ZNF41: variants seen among roughly 807,000 people sequenced by gnomAD.
ZNF41 encodes the protein zinc finger protein 41.
A neutral mutation model predicts 9.3 loss-of-function variants in ZNF41; 6 were observed. The ratio of observed to expected loss-of-function variants is 0.65; its 90% CI spans 0.35 to 1.28. The LOEUF is 1.28. Ranked by LOEUF, ZNF41 falls within the 50% of genes most tolerant of loss-of-function variation. The pLI, the probability that ZNF41 is intolerant of heterozygous loss-of-function variation, is 0.03. For synonymous variants in ZNF41, 192 were observed against 207.1 expected, an observed-to-expected ratio of 0.93 and a Z score of 0.63; for missense variants, 523 against 585.8, an observed-to-expected ratio of 0.89 and a Z score of 1.11.
intron 2 of ZNF41, among the ~76,000 whole-genome samples, chrX:47,467,124 G>A (rs938614054): frequency 9.0e-6 from 1 of 111,551 alleles, no homozygotes; most frequent in Non-Finnish European, 1.9e-5. Context: ...GCAGGGAGCT[G>A]CCCCCACTCC....
chrX:47,469,174 A>C (rs1022852787), intron 1 of ZNF41, among the ~76,000 whole-genome samples: 2 of 102,745 alleles, frequency 1.9e-5, no homozygotes, highest in Non-Finnish European at 4.0e-5. Context: ...AGCCGGGCGT[A>C]GTGGCGGGCG....
intron 1 of ZNF41, among the ~76,000 whole-genome samples, chrX:47,481,959 G>C (rs2053083274): frequency 9.1e-6 from 1 of 110,175 alleles, no homozygotes; most frequent in Admixed American, 9.7e-5. Context: ...CCAGGAAGCT[G>C]CATATCTGAT....
At chrX:47,468,851 C>A (rs73494342) in intron 1 of ZNF41, among the ~76,000 whole-genome samples, 76 of 111,189 alleles carry the variant, frequency 6.8e-4, no homozygotes, top group African/African-American at 2.5e-3. Flanking sequence ...CCAGGCAGAA[C>A]CAACACGTCA....
At chrX:47,453,729 A>C (rs1366936793) in intron 4 of ZNF41, among the ~76,000 whole-genome samples, 1 of 112,218 alleles carries the variant, frequency 8.9e-6, no homozygotes, top group East Asian at 2.8e-4. Flanking sequence ...AAAACAATGG[A>C]ATCAGCAAAT....
chrX:47,470,241 G>C (rs992177460), intron 1 of ZNF41, among the ~76,000 whole-genome samples: 1 of 106,653 alleles, frequency 9.4e-6, no homozygotes, highest in African/African-American at 3.4e-5. Context: ...GTGAAACCCC[G>C]TCTCTACTAA....
intron 2 of ZNF41, 126 bp downstream of exon 2, chrX:47,467,283 CA>C (rs1419135722): frequency 8.6e-7 from 1 of 1,158,117 alleles, no homozygotes; most frequent in Admixed American, 2.6e-5. Context: ...GATCTGTCTC[CA>C]GGGTGGCAGG....
At chrX:47,459,984 C>T (rs993105667) in intron 2 of ZNF41, among the ~76,000 whole-genome samples, 3 of 110,299 alleles carry the variant, frequency 2.7e-5, no homozygotes, top group African/African-American at 9.9e-5. Context: ...TGCAGTGGCT[C>T]ATGCCTGTAA....
Position 47,448,198 on chromosome X carries a change from C to T in ZNF41, c.1572G>A (p.Met524Ile). ...QKTHTGEKPYMCAECGKAFTD... is the reference protein window; with the variant it reads ...QKTHTGEKPYICAECGKAFTD... ...TAAAAGCCTTTCCACATTCAGCACA[C>T]ATATAGGGTTTTTCCCCAGTATGAG... is the stretch of plus-strand genomic sequence containing the variant. The change falls in exon 5 of 5, where the codon ATG becomes ATA. Residue 524 changes from methionine (M) to isoleucine (I), a missense_variant. Met to Ile is a conservative substitution (Grantham distance 10). Transcript: ENST00000684689. 1.7e-6 allele frequency: 2 copies of T among 1,211,493 alleles called. No individual in the cohort carries two copies. The highest frequency in any genetic ancestry group is 2.2e-6 in the Non-Finnish European group (2 of 895,455).
In ZNF41 at chrX:47,464,875, G is replaced by T. The variant is rs189087422; in HGVS notation, c.72+2535C>A. ...AAAACATAATTTCAATGACTTGACA[G>T]AAAGATTTATTTATTTACTATTTAT... On this transcript the variant is annotated intron_variant, in intron 2 of 4. Coordinates refer to ENST00000684689, the MANE Select transcript of ZNF41 (RefSeq NM_001324144.2). 1.7e-3 allele frequency among the ~76,000 whole-genome samples: 186 copies of T among 112,156 alleles called. 1 individual carries two copies. Among genetic ancestry groups the T allele is most frequent in the African/African-American group, 5.6e-3 (173 of 30,984 alleles).
chrX:47,474,960 C>G (rs1305721778), intron 1 of ZNF41, among the ~76,000 whole-genome samples: 1 of 104,582 alleles, frequency 9.6e-6, no homozygotes, highest in African/African-American at 3.5e-5. Flanking sequence ...GCGGGTGGAT[C>G]ACGAGGTCAG....
At chrX:47,473,976 G>A (rs746041346) in intron 1 of ZNF41, among the ~76,000 whole-genome samples, 13 of 112,102 alleles carry the variant, frequency 1.2e-4, no homozygotes, top group South Asian at 7.3e-4. Context: ...AAGACTGTTC[G>A]TTACAGCTTG....
chrX:47,471,393 G>T (rs2057189011), intron 1 of ZNF41, among the ~76,000 whole-genome samples: 1 of 109,215 alleles, frequency 9.2e-6, no homozygotes, highest in Non-Finnish European at 1.9e-5. Flanking sequence ...GGGTTACAGT[G>T]AGCTGAGATC....
chrX:47,462,910 G>GTATATATATATATA (rs61273021), intron 2 of ZNF41, among the ~76,000 whole-genome samples: 1 of 92,758 alleles, frequency 1.1e-5, no homozygotes, highest in Non-Finnish European at 2.1e-5. Context: ...TTTTTTGTAT[G>GTATATATATATATA]TATATATATA....
rs754081250 is a variant in ZNF41, at chrX:47,447,571, T to C, written c.2199A>G (p.Thr733=). ...TATGAATTATCTGATGCATACTTAGTGTGGCTTTCTGGATGAAAGCTTTCC... is the reference window on the plus strand; with the variant it reads ...TATGAATTATCTGATGCATACTTAGCGTGGCTTTCTGGATGAAAGCTTTCC... ...KCGKAFIQKA[T]LSMHQIIHTG... is the part of the protein sequence containing the mutation. The change falls in exon 5 of 5, where the codon ACA becomes ACG. Residue 733 remains threonine, a synonymous_variant. Transcript: ENST00000684689. 8.3e-7 allele frequency: 1 copy of C among 1,210,528 alleles called. No homozygotes were observed. Among genetic ancestry groups the C allele is most frequent in the African/African-American group, 1.7e-5 (1 of 57,386 alleles).
chrX:47,459,059 T>C (rs763924299), intron 2 of ZNF41, among the ~76,000 whole-genome samples: 1 of 110,453 alleles, frequency 9.1e-6, no homozygotes, highest in Admixed American at 9.7e-5. Context: ...CAACAGAATA[T>C]AGAGTACAGG....
At chrX:47,456,520 C>G (rs981266192) in intron 2 of ZNF41, 122 bp from the exon 3 acceptor site, 1 of 1,013,056 alleles carries the variant, frequency 9.9e-7, no homozygotes, top group Non-Finnish European at 1.3e-6. Context: ...TCACTAAGTA[C>G]TTAGTTTTGT....
At chrX:47,455,210 A>C (rs1425366588) in intron 4 of ZNF41, among the ~76,000 whole-genome samples, 1 of 108,773 alleles carries the variant, frequency 9.2e-6, no homozygotes, top group African/African-American at 3.4e-5. Flanking sequence ...GTGCCATTGC[A>C]CTCCAGCCTG....
intron 1 of ZNF41, among the ~76,000 whole-genome samples, chrX:47,478,720 C>T (rs907219274): frequency 1.8e-5 from 2 of 110,282 alleles, no homozygotes; most frequent in Non-Finnish European, 3.8e-5. Context: ...CTGAGGTGGG[C>T]GGATCACCTG....
At chrX:47,469,505 T>C (rs1408694531) in intron 1 of ZNF41, among the ~76,000 whole-genome samples, 1 of 110,774 alleles carries the variant, frequency 9.0e-6, no homozygotes, top group Non-Finnish European at 1.9e-5. Flanking sequence ...AATTGATATA[T>C]AATTATATCT....
Sources: gnomAD v4.1 joint callset for allele counts (sites outside exome capture counted in the v4.1 genomes callset) on GRCh38, gnomAD v4.1.1 for gene constraint, MANE v1.5 for transcripts, NCBI Gene and HGNC (gene_info 2026-07-23, HGNC 2026-07-21) for gene names.